The following FRRS1 variants were observed in gnomAD, a reference collection of about 807,000 sequenced individuals.
FRRS1 encodes ferric reductase 1.
A neutral mutation model predicts 70.7 loss-of-function variants in FRRS1; 51 were observed. The observed-to-expected ratio is 0.72, with a 90% confidence interval of 0.58 to 0.91. The LOEUF is 0.91. Among genes scored for constraint, FRRS1 ranks in the 40% least tolerant of loss-of-function variants. The probability of loss-of-function intolerance (pLI) is 0.00; values close to 1 mark genes in which losing one functional copy is unlikely to be tolerated. For missense variants in FRRS1, 672 were observed against 726.0 expected, an observed-to-expected ratio of 0.93 and a Z score of 0.86; for synonymous variants, 225 against 238.7, an observed-to-expected ratio of 0.94 and a Z score of 0.53.
intron 5 of FRRS1, among the ~76,000 whole-genome samples, chr1:99,741,534 A>G (rs547312517): frequency 1.3e-5 from 2 of 152,382 alleles, no homozygotes; most frequent in East Asian, 1.9e-4. Context: ...AGATGGCATT[A>G]TAACATTCCA....
intron 4 of FRRS1, among the ~76,000 whole-genome samples, chr1:99,744,217 G>A (rs1656122552): frequency 6.6e-6 from 1 of 152,096 alleles, no homozygotes; most frequent in African/African-American, 2.4e-5. Flanking sequence ...ATTGCTGTAA[G>A]AAAGGGATAC....
intron 7 of FRRS1, among the ~76,000 whole-genome samples, chr1:99,737,795 T>A (rs1655746181): frequency 6.6e-6 from 1 of 152,146 alleles, no homozygotes; most frequent in South Asian, 2.1e-4. Flanking sequence ...CAGGCTGGAG[T>A]GCAGTGGCAC....
chr1:99,766,464 G>A (rs1189759084), intron 1 of FRRS1, 143 bp downstream of exon 1: 1 of 152,166 alleles, frequency 6.6e-6, no homozygotes, highest in African/African-American at 2.4e-5. Flanking sequence ...CCAGAACATA[G>A]TTTCGGAATA....
chr1:99,743,828 G>A (rs368082140), intron 4 of FRRS1, among the ~76,000 whole-genome samples: 6 of 152,158 alleles, frequency 3.9e-5, no homozygotes, highest in South Asian at 2.1e-4. Context: ...GGGATTAGAG[G>A]GATGAGCCAC....
At position 99,737,747 on chromosome 1, in the gene FRRS1, TG is replaced by T. The variant is rs1553172684; in HGVS notation, c.759+338del. On this transcript the variant is annotated intron_variant, in intron 7 of 16. Transcript: ENST00000646001. ...CTTTTGGTTTTTTGTTTGTTTGTTTTGGGGGGGTTTTTTTAGATGGAGTCTC... is the reference window on the plus strand; with the variant it reads ...CTTTTGGTTTTTTGTTTGTTTGTTTTGGGGGGTTTTTTTAGATGGAGTCTC... 2.6e-5 allele frequency among the ~76,000 whole-genome samples: 4 copies of T among 152,016 alleles called. No individual in the cohort carries two copies. The East Asian group carries it at 7.7e-4, about 29-fold the overall frequency.
intron 1 of FRRS1, among the ~76,000 whole-genome samples, chr1:99,749,557 A>G (rs1656468034): frequency 6.6e-6 from 1 of 152,194 alleles, no homozygotes; most frequent in Non-Finnish European, 1.5e-5. Context: ...TTCCTATTAA[A>G]CTGATCATGA....
rs560786507 is a variant in FRRS1 at position 99,733,477 on chromosome 1, A to C, written c.760-3729T>G. On this transcript the variant is annotated intron_variant, in intron 7 of 16. Transcript: ENST00000646001. The stretch of plus-strand genomic sequence containing the variant: ...AAATGCATGAAAGTATGAATGGAGA[A>C]CATCTTGTTACACCAGAAACAAAGA... Among the ~76,000 whole-genome samples, 5 of 152,370 alleles carry C rather than the reference A, an allele frequency of 3.3e-5. No homozygotes were observed. In the South Asian group the frequency reaches 1.0e-3, roughly 32 times the overall value.
At position 99,704,467 on chromosome 1, in the gene FRRS1, G is replaced by A. The variant is rs1653977057; in HGVS notation, c.*4561C>T. ...GGTCCCTTTAAATAACAGGAAAGGA[G>A]GGAAAGGAAGTGCTGGGTAGAGGAG... is the stretch of plus-strand genomic sequence containing the variant. On this transcript the variant is annotated 3_prime_UTR_variant, in exon 17 of 17. Coordinates refer to ENST00000646001, the MANE Select transcript of FRRS1 (RefSeq NM_001361041.2). Among the ~76,000 whole-genome samples the A allele has an allele frequency of 6.6e-6, 1 of 152,124 alleles. No homozygotes were observed. Among genetic ancestry groups the A allele is most frequent in the African/African-American group, 2.4e-5 (1 of 41,444 alleles).
At chr1:99,746,593 A>G (rs1198503422) in intron 4 of FRRS1, among the ~76,000 whole-genome samples, 31 of 152,350 alleles carry the variant, frequency 2.0e-4, no homozygotes, top group Non-Finnish European at 2.9e-5. Context: ...TTAACAGAAG[A>G]CAACTTGATG....
chr1:99,749,213 T>G (rs1656451094), intron 1 of FRRS1, among the ~76,000 whole-genome samples: 1 of 152,156 alleles, frequency 6.6e-6, no homozygotes. Flanking sequence ...TTTTTGTATT[T>G]TGGTAGAGAC....
intron 5 of FRRS1, 54 bp from the exon 6 acceptor site, chr1:99,740,994 G>A: frequency 4.1e-6 from 6 of 1,460,954 alleles, no homozygotes; most frequent in South Asian, 1.2e-5. Context: ...GTCACAATCA[G>A]ATCAAAACGT....
intron 10 of FRRS1, among the ~76,000 whole-genome samples, chr1:99,719,103 T>C (rs1425990305): frequency 6.6e-6 from 1 of 151,164 alleles, no homozygotes; most frequent in Non-Finnish European, 1.5e-5. Flanking sequence ...CCTGCAAGTG[T>C]TAGTGTTTAA....
At position 99,710,931 on chromosome 1, in the gene FRRS1, C is replaced by T; in HGVS notation, c.1499G>A (p.Gly500Glu). 6.2e-7 allele frequency: 1 copy of T among 1,613,356 alleles called. No individual in the cohort carries two copies. The highest frequency in any genetic ancestry group is 1.1e-5 in the South Asian group (1 of 90,962). ...RIIAVAAMFL[G>E]MDLPGLNLPD... ...AAGATTCAGTCCTGGTAAATCCATT[C>T]CCAGGAACATCGCTGCCACTACATA... The change falls in exon 15 of 17, where the codon GGA (glycine) becomes GAA (glutamate). Residue 500 changes from glycine to glutamate, a missense_variant. Transcript: ENST00000646001.
intron 9 of FRRS1, among the ~76,000 whole-genome samples, chr1:99,721,521 T>C (rs1039535220): frequency 6.6e-6 from 1 of 152,068 alleles, no homozygotes; most frequent in East Asian, 1.9e-4. Context: ...ATAGGTGAAT[T>C]TGGGGGGAGA....
chr1:99,736,719 T>A (rs4412612), intron 7 of FRRS1, among the ~76,000 whole-genome samples: 1 of 146,828 alleles, frequency 6.8e-6, no homozygotes, highest in African/African-American at 2.6e-5. Flanking sequence ...TGTATACATA[T>A]GTAACAAACC....
chr1:99,706,494 A>G lies in FRRS1; in HGVS notation c.*2534T>C, dbSNP rs1045749252. On this transcript the variant is annotated 3_prime_UTR_variant, in exon 17 of 17. Coordinates refer to ENST00000646001, the MANE Select transcript of FRRS1 (RefSeq NM_001361041.2). ...GCAAAGACCAAAATAGTGCCAACATATGAAGCACTGAAAAAGAAAAAGTTA... is the reference window on the plus strand; with the variant it reads ...GCAAAGACCAAAATAGTGCCAACATGTGAAGCACTGAAAAAGAAAAAGTTA... Among the ~76,000 whole-genome samples the G allele has an allele frequency of 6.6e-6, 1 of 152,206 alleles. No individual in the cohort carries two copies. Among genetic ancestry groups the G allele is most frequent in the African/African-American group, 2.4e-5 (1 of 41,456 alleles).
At chr1:99,710,216 G>C (rs1654210297) in intron 15 of FRRS1, among the ~76,000 whole-genome samples, 2 of 152,094 alleles carry the variant, frequency 1.3e-5, no homozygotes, top group African/African-American at 4.8e-5. Context: ...AGGACATTTA[G>C]CCTAGAATCC....
intron 1 of FRRS1, among the ~76,000 whole-genome samples, chr1:99,766,358 T>A (rs1277017638): frequency 6.6e-6 from 1 of 152,198 alleles, no homozygotes; most frequent in Admixed American, 6.5e-5. Context: ...TCTCTACTTA[T>A]AACCACCCAT....
Position 99,738,066 on chromosome 1 carries a change from T to C in FRRS1, c.759+20A>G, listed in dbSNP as rs1157915663. 3 of 1,579,172 alleles carry C rather than the reference T, an allele frequency of 1.9e-6. No homozygotes were observed. The highest frequency in any genetic ancestry group is 1.4e-5 in the African/African-American group (1 of 72,628). ...GTGATTCTCCTTTTGTTACCACTTA[T>C]GTAAGTGAGAGGTACCAACCATCCA... On this transcript the variant is annotated intron_variant, in intron 7 of 16. Transcript: ENST00000646001.
Sources: gnomAD v4.1 joint callset for allele counts (sites outside exome capture counted in the v4.1 genomes callset) on GRCh38, gnomAD v4.1.1 for gene constraint, MANE v1.5 for transcripts, NCBI Gene and HGNC (gene_info 2026-07-23, HGNC 2026-07-21) for gene names.